The following SLC9A4 variants were observed in gnomAD, a reference collection of about 807,000 sequenced individuals.
The protein encoded by SLC9A4 is sodium/hydrogen exchanger 4.
Under a neutral mutation model 67.4 loss-of-function variants are expected in SLC9A4, and 63 were observed. The observed-to-expected ratio is 0.93, with a 90% CI of 0.76 to 1.15. The LOEUF is 1.15. Among genes scored for constraint, SLC9A4 ranks in the 50% most tolerant of loss-of-function variants. The pLI is 0.00. For synonymous variants in SLC9A4, 393 were observed against 367.2 expected (o/e 1.07, Z -0.80); for missense variants, 1,089 against 987.7 (o/e 1.10, Z -1.38).
chr2:102,474,000 T>C lies in SLC9A4; in HGVS notation c.241T>C (p.Ser81Pro). 6.2e-7 allele frequency: 1 copy of C among 1,612,910 alleles called. No homozygotes were observed. Among genetic ancestry groups the C allele is most frequent in the Non-Finnish European group, 8.5e-7 (1 of 1,179,272 alleles). ...GGTCACTCTCTGGATACTTCTAGCA[T>C]CCCTTGCAAAAATAGGTAAGTCCTT... ...YEVTLWILLA[S>P]LAKIGFHLYH... is the part of the protein sequence containing the mutation. The change falls in exon 1 of 12, where the codon TCC becomes CCC. Residue 81 changes from serine to proline, a missense_variant. Coordinates refer to ENST00000295269, the MANE Select transcript of SLC9A4 (RefSeq NM_001011552.4).
intron 11 of SLC9A4, among the ~76,000 whole-genome samples, chr2:102,527,975 G>A (rs1301635286): frequency 1.3e-5 from 2 of 151,934 alleles, no homozygotes; most frequent in African/African-American, 4.8e-5. Flanking sequence ...ATATAACAAG[G>A]ATATCATCCA....
Position 102,479,248 on chromosome 2 carries a change from G to T in SLC9A4, c.666G>T (p.Glu222Asp). 6.2e-7 allele frequency: 1 copy of T among 1,614,074 alleles called. No homozygotes were observed. The highest frequency in any genetic ancestry group is 2.2e-5 in the East Asian group (1 of 44,874). The stretch of plus-strand genomic sequence containing the variant: ...TGTTTGAGGAAGCGCGCGTGAACGA[G>T]CAGCTCTACATGATGATCTTTGGGG... ...LAVFEEARVN[E>D]QLYMMIFGEA... Residue 222 changes from glutamate to aspartate, a missense_variant, in exon 2 of 12, where the codon GAG becomes GAT. Transcript: ENST00000295269.
rs1263664342 is a variant in SLC9A4 at position 102,533,449 on chromosome 2, G to A, written c.*761G>A. 1.3e-5 allele frequency: 2 copies of A among 152,138 alleles called. No homozygotes were observed. Among genetic ancestry groups the A allele is most frequent in the African/African-American group, 4.8e-5 (2 of 41,340 alleles). The allele number at this position is 152,138 out of a possible 1,614,324, so 9.4% of individuals were successfully genotyped here. A position where few individuals can be genotyped will look rare whatever the true frequency, so the allele number is the denominator to read the frequency against. On this transcript the variant is annotated 3_prime_UTR_variant, in exon 12 of 12. Coordinates refer to ENST00000295269, the MANE Select transcript of SLC9A4 (RefSeq NM_001011552.4). ...TTTATAAGGGGTGCATTTGTAGGGT[G>A]TGACATTTTACCCTAGGGTATAAAA...
intron 4 of SLC9A4, among the ~76,000 whole-genome samples, chr2:102,506,586 T>C (rs904356860): frequency 6.6e-6 from 1 of 152,152 alleles, no homozygotes; most frequent in Non-Finnish European, 1.5e-5. Context: ...AACTAGCTGT[T>C]TGATCTTGGA....
chr2:102,510,892 A>T (rs143073305), intron 6 of SLC9A4, among the ~76,000 whole-genome samples: 1 of 152,350 alleles, frequency 6.6e-6, no homozygotes, highest in East Asian at 1.9e-4. Flanking sequence ...AAGGGATACC[A>T]CTGTGTACAG....
In SLC9A4 at chr2:102,525,073, A is replaced by C; in HGVS notation, c.1868A>C (p.Gln623Pro). Residue 623 changes from glutamine (Q) to proline (P), a missense_variant, in exon 10 of 12, where the codon CAG becomes CCG. Transcript: ENST00000295269. ...YNLKPQTSEKQAKEILIRRQN... is the reference protein window; with the variant it reads ...YNLKPQTSEKPAKEILIRRQN... ...CTCAAACCCCAAACAAGTGAGAAGC[A>C]GGCTAAAGAGATTCTGATCCGCCGC... is the stretch of plus-strand genomic sequence containing the variant. The C allele has an allele frequency of 3.7e-6, 6 of 1,614,104 alleles. No individual in the cohort carries two copies. The highest frequency in any genetic ancestry group is 5.1e-6 in the Non-Finnish European group (6 of 1,179,980).
intron 9 of SLC9A4, among the ~76,000 whole-genome samples, chr2:102,522,255 G>A (rs898912683): frequency 6.6e-6 from 1 of 152,156 alleles, no homozygotes; most frequent in African/African-American, 2.4e-5. Context: ...AAGGAAAAGA[G>A]CAATTTCAGT....
At chr2:102,500,383 C>A (rs372853097) in intron 2 of SLC9A4, among the ~76,000 whole-genome samples, 2 of 152,186 alleles carry the variant, frequency 1.3e-5, no homozygotes, top group African/African-American at 4.8e-5. Flanking sequence ...TGAGAGGATA[C>A]ATTTTTGTTA....
intron 7 of SLC9A4, among the ~76,000 whole-genome samples, chr2:102,513,364 C>G (rs1685205898): frequency 6.6e-6 from 1 of 152,116 alleles, no homozygotes; most frequent in Admixed American, 6.5e-5. Flanking sequence ...ATAAAGCAGG[C>G]GGGCAAACTA....
At chr2:102,509,698 C>G (rs1003520785) in intron 6 of SLC9A4, among the ~76,000 whole-genome samples, 3 of 152,220 alleles carry the variant, frequency 2.0e-5, no homozygotes, top group Non-Finnish European at 2.9e-5. Context: ...GAGCAGGGCT[C>G]AGTGAGGCTC....
At chr2:102,474,766 A>C (rs1684292774) in intron 1 of SLC9A4, among the ~76,000 whole-genome samples, 1 of 152,196 alleles carries the variant, frequency 6.6e-6, no homozygotes, top group Admixed American at 6.5e-5. Flanking sequence ...GCTTATTCTA[A>C]AGTGGAAAAT....
chr2:102,528,528 A>G (rs1338706259), intron 11 of SLC9A4, among the ~76,000 whole-genome samples: 2 of 151,934 alleles, frequency 1.3e-5, no homozygotes, highest in African/African-American at 4.8e-5. Flanking sequence ...GCCTCCTAAC[A>G]TGCTAGGATT....
rs116706610 is a variant in SLC9A4 at position 102,473,946 on chromosome 2, G to C, written c.187G>C (p.Asp63His). Residue 63 changes from aspartate to histidine, a missense_variant, in exon 1 of 12, where the codon GAT (aspartate) becomes CAT (histidine). Asp to His is a moderately conservative substitution (Grantham distance 81). Transcript: ENST00000295269. ...PEEGISVFELDYDYVQIPYEV... is the reference protein window; with the variant it reads ...PEEGISVFELHYDYVQIPYEV... ...GGAAGGGATATCTGTTTTTGAACTGGATTATGACTATGTGCAAATTCCTTA... is the reference window on the plus strand; with the variant it reads ...GGAAGGGATATCTGTTTTTGAACTGCATTATGACTATGTGCAAATTCCTTA... 2.6e-4 allele frequency: 421 copies of C among 1,614,054 alleles called. 4 individuals carry two copies. In the African/African-American group the frequency reaches 5.1e-3, roughly 20 times the overall value.
intron 2 of SLC9A4, among the ~76,000 whole-genome samples, chr2:102,491,872 C>G (rs559606450): frequency 2.0e-5 from 3 of 152,190 alleles, no homozygotes; most frequent in Non-Finnish European, 4.4e-5. Context: ...AAATCAAAAG[C>G]AAGTTAGTTC....
At chr2:102,524,408 G>A (rs993190825) in intron 9 of SLC9A4, among the ~76,000 whole-genome samples, 2 of 152,198 alleles carry the variant, frequency 1.3e-5, no homozygotes, top group Non-Finnish European at 2.9e-5. Flanking sequence ...AGTTTCCACT[G>A]GTCTGGGGTA....
intron 4 of SLC9A4, among the ~76,000 whole-genome samples, chr2:102,506,798 A>G (rs944968917): frequency 2.6e-5 from 4 of 152,196 alleles, no homozygotes; most frequent in Non-Finnish European, 5.9e-5. Context: ...TTTATATTGC[A>G]GGAACCTCAA....
rs1277690866 is a variant in SLC9A4, at chr2:102,479,380, A to G, written c.720+78A>G. 3.2e-5 allele frequency: 46 copies of G among 1,439,572 alleles called. No individual in the cohort carries two copies. The East Asian group carries it at 4.2e-4, about 13-fold the overall frequency. The allele number at this position is 1,439,572 out of a possible 1,614,324, so 89.2% of individuals were successfully genotyped here. A position where few individuals can be genotyped will look rare whatever the true frequency, so the allele number is the denominator to read the frequency against. On this transcript the variant is annotated intron_variant, in intron 2 of 11. Coordinates refer to ENST00000295269, the MANE Select transcript of SLC9A4 (RefSeq NM_001011552.4). Reference sequence around the variant, plus strand: ...GGGCTGGGGACCGGAGGCTGTGGAGACGGCTCCAGTGTGGCTCAGCGCAGC... The same window carrying G: ...GGGCTGGGGACCGGAGGCTGTGGAGGCGGCTCCAGTGTGGCTCAGCGCAGC...
Position 102,479,189 on chromosome 2 carries a change from A to G in SLC9A4, c.607A>G (p.Ile203Val). The change falls in exon 2 of 12, where the codon ATC becomes GTC. Residue 203 changes from isoleucine to valine, a missense_variant. Coordinates refer to ENST00000295269, the MANE Select transcript of SLC9A4 (RefSeq NM_001011552.4). ...GCAGAACCTGCTGTTCGGCAGCCTG[A>G]TCTCCGCCGTGGACCCAGTGGCCGT... ...LLQNLLFGSL[I>V]SAVDPVAVLA... is the part of the protein sequence containing the mutation. The G allele has an allele frequency of 1.2e-6, 2 of 1,614,140 alleles. No individual in the cohort carries two copies. Among genetic ancestry groups the G allele is most frequent in the Non-Finnish European group, 1.7e-6 (2 of 1,180,008 alleles).
intron 4 of SLC9A4, among the ~76,000 whole-genome samples, chr2:102,506,674 G>C (rs62153064): frequency 0.034 from 5,196 of 152,228 alleles, 441 homozygotes; most frequent in Admixed American, 0.19. Context: ...TTCCCTTTCA[G>C]TTCTAATACT....
Sources: allele counts gnomAD v4.1 joint callset (sites outside exome capture counted in the v4.1 genomes callset), GRCh38; gene constraint gnomAD v4.1.1; transcripts MANE v1.5; gene names NCBI Gene and HGNC (gene_info 2026-07-23, HGNC 2026-07-21).